The following RALYL variants were observed in gnomAD, a reference collection of about 807,000 sequenced individuals.
RALYL encodes the protein RNA-binding Raly-like protein.
Under a neutral mutation model 35.1 loss-of-function variants are expected in RALYL, and 29 were observed. The observed-to-expected ratio is 0.83, with a 90% CI of 0.61 to 1.13. The LOEUF (loss-of-function observed/expected upper bound fraction) is 1.13. Among genes scored for constraint, RALYL ranks in the 50% most tolerant of loss-of-function variants. The probability of loss-of-function intolerance (pLI) is 0.00; values close to 1 mark genes in which losing one functional copy is unlikely to be tolerated. For synonymous variants in RALYL, 120 were observed against 127.6 expected (o/e 0.94, Z 0.40); for missense variants, 359 against 360.4 (o/e 1.00, Z 0.03).
At chr8:84,503,047 G>A (rs1015855855) in intron 1 of RALYL, among the ~76,000 whole-genome samples, 19 of 151,994 alleles carry the variant, frequency 1.3e-4, no homozygotes, top group African/African-American at 3.6e-4. Context: ...ATATTGGCAC[G>A]GGAATAGAGA....
At chr8:84,523,496 G>GT (rs1332106395) in intron 1 of RALYL, among the ~76,000 whole-genome samples, 2 of 151,538 alleles carry the variant, frequency 1.3e-5, no homozygotes, top group Non-Finnish European at 2.9e-5. Context: ...TTCTGTTGTT[G>GT]TTTTTTATTT....
At chr8:84,663,897 A>G (rs954655313) in intron 2 of RALYL, among the ~76,000 whole-genome samples, 3 of 152,042 alleles carry the variant, frequency 2.0e-5, no homozygotes, top group Non-Finnish European at 4.4e-5. Context: ...TGCTGTGCCT[A>G]TGTCCTGAAT....
chr8:84,452,333 CT>C (rs1181040639), intron 1 of RALYL, among the ~76,000 whole-genome samples: 2 of 150,512 alleles, frequency 1.3e-5, no homozygotes, highest in Admixed American at 6.7e-5. Context: ...ATAATTCATT[CT>C]TTTTTTGCTT....
intron 1 of RALYL, among the ~76,000 whole-genome samples, chr8:84,412,956 T>A (rs2044246318): frequency 6.6e-6 from 1 of 151,388 alleles, no homozygotes; most frequent in African/African-American, 2.4e-5. Flanking sequence ...AGAAAGCAAA[T>A]TCACTAAAAG....
At position 84,205,481 on chromosome 8, in the gene RALYL, C is replaced by A. The variant is rs578078746; in HGVS notation, c.-24+21057C>A. Among the ~76,000 whole-genome samples the A allele has an allele frequency of 3.3e-5, 5 of 152,248 alleles. No individual in the cohort carries two copies. The South Asian group carries it at 1.0e-3, about 32-fold the overall frequency. The stretch of plus-strand genomic sequence containing the variant: ...TTATAACCTGAAAATATTACACAGC[C>A]CCCCTCTAACACATATACCACATAT... On this transcript the variant is annotated intron_variant, in intron 1 of 8. Transcript: ENST00000521268.
intron 2 of RALYL, among the ~76,000 whole-genome samples, chr8:84,767,716 G>C (rs1814455500): frequency 6.6e-6 from 1 of 152,156 alleles, no homozygotes; most frequent in Non-Finnish European, 1.5e-5. Flanking sequence ...TCTCCACGCA[G>C]ATGTGATGTG....
At chr8:84,227,093 C>G (rs1030868380) in intron 1 of RALYL, among the ~76,000 whole-genome samples, 46 of 116,560 alleles carry the variant, frequency 3.9e-4, no homozygotes, top group African/African-American at 1.6e-3. Context: ...CAGAGTCTCA[C>G]TCTGTGGCCT....
intron 1 of RALYL, among the ~76,000 whole-genome samples, chr8:84,511,080 T>G (rs2057576883): frequency 6.6e-6 from 1 of 152,196 alleles, no homozygotes; most frequent in Admixed American, 6.6e-5. Context: ...ATTTCTATCT[T>G]TTCCCTAGCC....
rs145990325 is a variant in RALYL at position 84,819,413 on chromosome 8, T to A, written c.365+14611T>A. Among the ~76,000 whole-genome samples, 600 of 152,340 alleles carry A rather than the reference T, an allele frequency of 3.9e-3. 6 individuals are homozygous for A. The highest frequency in any genetic ancestry group is 0.014 in the African/African-American group (563 of 41,574). On this transcript the variant is annotated intron_variant, in intron 4 of 8. Coordinates refer to ENST00000521268, the MANE Select transcript of RALYL (RefSeq NM_173848.7). ...TGCACCTGTCAATGACACTTTTCTG[T>A]ACTTGTCAAAATCATTTAAACTGCA...
chr8:84,514,194 T>C (rs1318876759), intron 1 of RALYL, among the ~76,000 whole-genome samples: 1 of 151,312 alleles, frequency 6.6e-6, no homozygotes, highest in Non-Finnish European at 1.5e-5. Flanking sequence ...TGACTCACTT[T>C]AGCTTTACAA....
intron 3 of RALYL, among the ~76,000 whole-genome samples, chr8:84,778,999 C>G (rs944103772): frequency 6.6e-6 from 1 of 152,166 alleles, no homozygotes. Context: ...TAAAATAGCA[C>G]TTGCAATAAA....
chr8:84,830,632 A>T (rs1267177128), intron 4 of RALYL, among the ~76,000 whole-genome samples: 1 of 152,214 alleles, frequency 6.6e-6, no homozygotes, highest in Non-Finnish European at 1.5e-5. Context: ...TAATATTTAT[A>T]TGGTTATATC....
rs1333211399 is a variant in RALYL, at chr8:84,253,193, T to G, written c.-24+68769T>G. Among the ~76,000 whole-genome samples the G allele has an allele frequency of 7.3e-4, 94 of 128,066 alleles. 3 individuals carry two copies. The South Asian group carries it at 0.024, about 33-fold the overall frequency. 84.0% of individuals were successfully genotyped at this position (128,066 alleles called of 152,430 possible). A position where few individuals can be genotyped will look rare whatever the true frequency, so the allele number is the denominator to read the frequency against. On this transcript the variant is annotated intron_variant, in intron 1 of 8. Transcript: ENST00000521268. ...GTTCTGCAGTTTTTTTTTTTTTTTT[T>G]TTTTTTTTTTTTTTGAGACAGAATC... is the stretch of plus-strand genomic sequence containing the variant.
intron 1 of RALYL, among the ~76,000 whole-genome samples, chr8:84,443,040 A>G (rs993210952): frequency 2.0e-5 from 3 of 152,134 alleles, no homozygotes; most frequent in African/African-American, 7.2e-5. Flanking sequence ...TTGCAAAGCT[A>G]AGAAGGCTGT....
chr8:84,413,588 C>A (rs949923220), intron 1 of RALYL, among the ~76,000 whole-genome samples: 1 of 151,806 alleles, frequency 6.6e-6, no homozygotes, highest in Non-Finnish European at 1.5e-5. Flanking sequence ...TTTAATGATT[C>A]TTTGAAATAT....
chr8:84,503,401 TC>T (rs2056877898), intron 1 of RALYL, among the ~76,000 whole-genome samples: 1 of 151,534 alleles, frequency 6.6e-6, no homozygotes, highest in Non-Finnish European at 1.5e-5. Flanking sequence ...AAAGGGATCT[TC>T]CCACCTTGGC....
intron 2 of RALYL, among the ~76,000 whole-genome samples, chr8:84,619,010 C>T (rs1268642627): frequency 1.4e-5 from 2 of 147,266 alleles, no homozygotes; most frequent in Admixed American, 6.8e-5. Context: ...AGCTTTACTT[C>T]CAAGTATGTG....
At chr8:84,828,660 T>C in intron 4 of RALYL, 1 of 188,250 alleles carries the variant, frequency 5.3e-6, no homozygotes, top group Non-Finnish European at 1.2e-5. Flanking sequence ...GTGGTAGACA[T>C]TCAAGAGTAA....
intron 1 of RALYL, among the ~76,000 whole-genome samples, chr8:84,405,243 A>G (rs1316007116): frequency 1.3e-5 from 2 of 152,212 alleles, no homozygotes; most frequent in Non-Finnish European, 2.9e-5. Context: ...ATAGCACTAA[A>G]TGCCCACAGT....
Sources: gnomAD v4.1 joint callset for allele counts (sites outside exome capture counted in the v4.1 genomes callset) on GRCh38, gnomAD v4.1.1 for gene constraint, MANE v1.5 for transcripts, NCBI Gene and HGNC (gene_info 2026-07-23, HGNC 2026-07-21) for gene names.